Variants in OR9Q1 observed in about 807,000 individuals in gnomAD.
OR9Q1 encodes the protein olfactory receptor 9Q1.
For missense variants in OR9Q1, 374 were observed against 378.8 expected (o/e 0.99, Z 0.11); for synonymous variants, 153 against 148.6 (o/e 1.03, Z -0.22).
At chr11:58,126,298 C>T (rs989470418) in intron 2 of OR9Q1, among the ~76,000 whole-genome samples, 1 of 152,298 alleles carries the variant, frequency 6.6e-6, no homozygotes, top group South Asian at 2.1e-4. Flanking sequence ...AGTCTCATCT[C>T]CTCTGCTGGA....
intron 1 of OR9Q1, among the ~76,000 whole-genome samples, chr11:58,034,074 CTTTTTT>C (rs61109050): frequency 1.6e-5 from 1 of 61,116 alleles, no homozygotes; most frequent in Admixed American, 1.9e-4. Flanking sequence ...TCAGCACTTG[CTTTTTT>C]TTTTTTTTTT....
At chr11:58,109,384 G>A in intron 2 of OR9Q1, 1 of 458,960 alleles carries the variant, frequency 2.2e-6, no homozygotes, top group Non-Finnish European at 4.4e-6. Context: ...GCAGCCATAG[G>A]AGATAACTGT....
At chr11:58,119,707 T>A (rs775767656) in intron 2 of OR9Q1, among the ~76,000 whole-genome samples, 12 of 152,182 alleles carry the variant, frequency 7.9e-5, no homozygotes, top group Non-Finnish European at 1.5e-4. Context: ...ATAAGAGGCA[T>A]ACAATTCTTA....
At chr11:58,149,151 A>G (rs912984358) in intron 2 of OR9Q1, among the ~76,000 whole-genome samples, 2 of 152,204 alleles carry the variant, frequency 1.3e-5, no homozygotes, top group African/African-American at 4.8e-5. Context: ...TTCTAATTCT[A>G]CCCTTACTAA....
chr11:58,076,447 T>A (rs536194562), intron 2 of OR9Q1, among the ~76,000 whole-genome samples: 2 of 152,166 alleles, frequency 1.3e-5, no homozygotes, highest in Non-Finnish European at 2.9e-5. Flanking sequence ...GGGACTGACT[T>A]AGAAGCCACC....
intron 2 of OR9Q1, among the ~76,000 whole-genome samples, chr11:58,120,008 T>C (rs1295152135): frequency 1.3e-5 from 2 of 152,184 alleles, no homozygotes; most frequent in African/African-American, 2.4e-5. Flanking sequence ...TCCCTTATAG[T>C]ACACATTGAT....
chr11:58,048,528 G>A (rs1280979553), intron 1 of OR9Q1, among the ~76,000 whole-genome samples: 1 of 151,274 alleles, frequency 6.6e-6, no homozygotes, highest in African/African-American at 2.4e-5. Context: ...CGGGCATGGT[G>A]GCACATGCTG....
At chr11:58,029,670 T>C (rs1271846433) in intron 1 of OR9Q1, among the ~76,000 whole-genome samples, 1 of 152,184 alleles carries the variant, frequency 6.6e-6, no homozygotes, top group East Asian at 1.9e-4. Context: ...GTCACATATT[T>C]CAAGTTGATA....
chr11:58,131,567 G>A lies in OR9Q1; in HGVS notation c.-14-47864G>A, dbSNP rs909116686. Among the ~76,000 whole-genome samples, 3 of 151,732 alleles carry A rather than the reference G, an allele frequency of 2.0e-5. No homozygotes were observed. The East Asian group carries it at 5.8e-4, about 29-fold the overall frequency. On this transcript the variant is annotated intron_variant, in intron 2 of 2. Coordinates refer to ENST00000335397, the MANE Select transcript of OR9Q1 (RefSeq NM_001005212.4). ...TTTTATAAATATAAAAGATTTTTTC[G>A]TTTGTGGAGGTTTCTCCTTTACCTA...
chr11:58,037,894 G>GTT (rs58955805), intron 1 of OR9Q1, among the ~76,000 whole-genome samples: 222 of 97,782 alleles, frequency 2.3e-3, no homozygotes, highest in African/African-American at 8.0e-3. Flanking sequence ...AATTTTTTTT[G>GTT]TTTTTTTTTT....
At chr11:58,170,731 C>T (rs1431137617) in intron 2 of OR9Q1, among the ~76,000 whole-genome samples, 1 of 152,156 alleles carries the variant, frequency 6.6e-6, no homozygotes, top group Non-Finnish European at 1.5e-5. Flanking sequence ...GGTTCTCATT[C>T]TCTCTCTTGT....
At chr11:58,130,164 A>C (rs1230812451) in intron 2 of OR9Q1, among the ~76,000 whole-genome samples, 2 of 152,202 alleles carry the variant, frequency 1.3e-5, no homozygotes, top group Non-Finnish European at 2.9e-5. Context: ...TTTGTTAAAC[A>C]ATGAGAGGAG....
intron 2 of OR9Q1, among the ~76,000 whole-genome samples, chr11:58,162,523 T>A (rs567352930): frequency 8.5e-5 from 13 of 152,214 alleles, no homozygotes; most frequent in African/African-American, 3.1e-4. Flanking sequence ...TTGGAAAAGG[T>A]AGGGCACTAA....
intron 2 of OR9Q1, among the ~76,000 whole-genome samples, chr11:58,157,349 A>G (rs1270427150): frequency 6.6e-6 from 1 of 152,102 alleles, no homozygotes; most frequent in African/African-American, 2.4e-5. Flanking sequence ...AGCTTTATGT[A>G]TCTCTCCTCT....
At chr11:58,037,689 A>ATATATATATATATATAGT (rs1853119570) in intron 1 of OR9Q1, among the ~76,000 whole-genome samples, 1 of 6,998 alleles carries the variant, frequency 1.4e-4, no homozygotes, top group South Asian at 0.01. Flanking sequence ...ATATATATAT[A>ATATATATATATATATAGT]TTTTTTTTTT....
chr11:58,103,032 T>C (rs1853799462), intron 2 of OR9Q1, among the ~76,000 whole-genome samples: 1 of 152,066 alleles, frequency 6.6e-6, no homozygotes, highest in South Asian at 2.1e-4. Flanking sequence ...TTCACTGAAT[T>C]CTTTGCATCT....
In OR9Q1 at chr11:58,174,831, C is replaced by A. The variant is rs536056574; in HGVS notation, c.-14-4600C>A. ...TAGAGCTTAAAGATTTAAGGCCAGG[C>A]GCAGTGGCTCATGCTTGTAATCTCA... On this transcript the variant is annotated intron_variant, in intron 2 of 2. Transcript: ENST00000335397. Among the ~76,000 whole-genome samples, 12 of 151,342 alleles carry A rather than the reference C, an allele frequency of 7.9e-5. No homozygotes were observed. The South Asian group carries it at 8.4e-4, about 11-fold the overall frequency.
chr11:58,167,275 A>G (rs1854514679), intron 2 of OR9Q1, among the ~76,000 whole-genome samples: 1 of 152,062 alleles, frequency 6.6e-6, no homozygotes, highest in African/African-American at 2.4e-5. Flanking sequence ...ACATTTCTAT[A>G]TTTACTCGAG....
intron 2 of OR9Q1, among the ~76,000 whole-genome samples, chr11:58,169,750 C>G (rs2119944623): frequency 6.6e-6 from 1 of 152,182 alleles, no homozygotes; most frequent in Middle Eastern, 3.4e-3. Context: ...GATGTAAATT[C>G]TCCAGGGCTT....
Sources: gnomAD v4.1 joint callset for allele counts (sites outside exome capture counted in the v4.1 genomes callset) on GRCh38, gnomAD v4.1.1 for gene constraint, MANE v1.5 for transcripts, NCBI Gene and HGNC (gene_info 2026-07-23, HGNC 2026-07-21) for gene names.